The following EBF2 variants were observed in gnomAD, a reference collection of about 807,000 sequenced individuals.
The protein encoded by EBF2 is EBF transcription factor 2, also known as transcription factor COE2.
EBF2 carries 21 observed loss-of-function variants against 72.8 expected under a neutral mutation model. The ratio of observed to expected loss-of-function variants is 0.29; its 90% CI spans 0.20 to 0.42. The LOEUF (loss-of-function observed/expected upper bound fraction) is 0.42, where lower values mean the gene tolerates loss of function less well. Ranked by LOEUF, EBF2 falls within the 10% of genes least tolerant of loss-of-function variation. The pLI, the probability that EBF2 is intolerant of heterozygous loss-of-function variation, is 1.00. For synonymous variants in EBF2, 299 were observed against 274.2 expected, an observed-to-expected ratio of 1.09 and a Z score of -0.89; for missense variants, 637 against 731.2, an observed-to-expected ratio of 0.87 and a Z score of 1.49.
At chr8:25,855,497 T>C (rs1802070463) in intron 14 of EBF2, among the ~76,000 whole-genome samples, 1 of 152,204 alleles carries the variant, frequency 6.6e-6, no homozygotes. Flanking sequence ...CAAGTCAAAC[T>C]TGACTAAGAA....
At chr8:25,939,648 C>A (rs1355966721) in intron 6 of EBF2, among the ~76,000 whole-genome samples, 1 of 152,210 alleles carries the variant, frequency 6.6e-6, no homozygotes, top group Admixed American at 6.5e-5. Context: ...CAACCTCAAA[C>A]CCCTACAGCT....
intron 6 of EBF2, among the ~76,000 whole-genome samples, chr8:26,020,715 A>G (rs1805191089): frequency 6.6e-6 from 1 of 152,044 alleles, no homozygotes. Context: ...CCCTTTTGCT[A>G]TGTAGGTTGA....
chr8:25,964,198 A>G (rs532041826), intron 6 of EBF2, among the ~76,000 whole-genome samples: 42 of 149,456 alleles, frequency 2.8e-4, no homozygotes, highest in Middle Eastern at 3.4e-3. Flanking sequence ...TACTCAAACA[A>G]TCATTGGATA....
At chr8:25,918,201 C>T (rs574252353) in intron 6 of EBF2, among the ~76,000 whole-genome samples, 3 of 152,314 alleles carry the variant, frequency 2.0e-5, no homozygotes, top group African/African-American at 7.2e-5. Context: ...TTTCAGCTTT[C>T]TACCTATCGC....
chr8:25,896,021 T>A (rs1270153409), intron 7 of EBF2, among the ~76,000 whole-genome samples: 1 of 152,144 alleles, frequency 6.6e-6, no homozygotes, highest in African/African-American at 2.4e-5. Context: ...GCCAAAGGAA[T>A]GGCCAGTTGG....
At chr8:26,039,710 A>G (rs1585237764) in intron 5 of EBF2, among the ~76,000 whole-genome samples, 1 of 152,036 alleles carries the variant, frequency 6.6e-6, no homozygotes, top group Non-Finnish European at 1.5e-5. Flanking sequence ...CCGATCCCAA[A>G]CCCGGCCCGG....
intron 6 of EBF2, among the ~76,000 whole-genome samples, chr8:26,003,375 T>G (rs1257525863): frequency 1.3e-5 from 2 of 152,298 alleles, no homozygotes; most frequent in South Asian, 4.1e-4. Context: ...TTCGAAATGT[T>G]TCTTACAGCT....
At chr8:25,969,668 A>T (rs766620425) in intron 6 of EBF2, among the ~76,000 whole-genome samples, 1 of 152,218 alleles carries the variant, frequency 6.6e-6, no homozygotes, top group Non-Finnish European at 1.5e-5. Flanking sequence ...CTTCTCACTC[A>T]TGAGTCTCCT....
At chr8:26,034,213 T>G (rs1485744) in intron 5 of EBF2, among the ~76,000 whole-genome samples, 18,928 of 152,276 alleles carry the variant, frequency 0.12, 1,265 homozygotes, top group Middle Eastern at 0.15. Flanking sequence ...TTTCAGATGA[T>G]GTAGGAAGAC....
chr8:25,996,670 AG>A (rs1333435942), intron 6 of EBF2, among the ~76,000 whole-genome samples: 1 of 152,138 alleles, frequency 6.6e-6, no homozygotes, highest in African/African-American at 2.4e-5. Context: ...ACCCACAGAA[AG>A]CAGAATAATG....
At chr8:25,913,238 C>T (rs958387265) in intron 6 of EBF2, among the ~76,000 whole-genome samples, 2 of 152,028 alleles carry the variant, frequency 1.3e-5, no homozygotes, top group South Asian at 2.1e-4. Context: ...ATCAAGAGAT[C>T]GAGACCATCC....
intron 15 of EBF2, among the ~76,000 whole-genome samples, chr8:25,845,666 C>T (rs1285580511): frequency 6.6e-6 from 1 of 152,206 alleles, no homozygotes; most frequent in Non-Finnish European, 1.5e-5. Context: ...AATAAAGCAG[C>T]ACCAGCACAA....
chr8:25,993,633 C>T (rs567227967), intron 6 of EBF2, among the ~76,000 whole-genome samples: 10 of 152,236 alleles, frequency 6.6e-5, no homozygotes, highest in East Asian at 1.9e-4. Flanking sequence ...ACGCAGCAAC[C>T]GGGGGAAACT....
chr8:26,028,671 C>T (rs935687953), intron 6 of EBF2, among the ~76,000 whole-genome samples: 2 of 152,164 alleles, frequency 1.3e-5, no homozygotes, highest in African/African-American at 4.8e-5. Flanking sequence ...AGAACACAGC[C>T]CATAACAACC....
chr8:25,978,688 C>G (rs977237338), intron 6 of EBF2, among the ~76,000 whole-genome samples: 1 of 152,188 alleles, frequency 6.6e-6, no homozygotes, highest in Admixed American at 6.5e-5. Context: ...CACTCAACCC[C>G]GCCATGGCAT....
At chr8:25,933,792 A>T (rs935923303) in intron 6 of EBF2, among the ~76,000 whole-genome samples, 6 of 152,200 alleles carry the variant, frequency 3.9e-5, no homozygotes, top group Non-Finnish European at 8.8e-5. Flanking sequence ...GTATAAAAAA[A>T]TACGAAACAG....
chr8:25,892,047 C>G (rs892341896), intron 7 of EBF2, among the ~76,000 whole-genome samples: 2 of 152,014 alleles, frequency 1.3e-5, no homozygotes, highest in Admixed American at 6.6e-5. Context: ...TACAGTAGAC[C>G]CCTTATCCAA....
At chr8:25,915,711 T>C (rs1205101318) in intron 6 of EBF2, among the ~76,000 whole-genome samples, 2 of 151,368 alleles carry the variant, frequency 1.3e-5, no homozygotes, top group African/African-American at 4.9e-5. Context: ...AAACGTGGAA[T>C]GAAAGAAGTT....
At chr8:25,866,452 A>C (rs1802318281) in intron 10 of EBF2, among the ~76,000 whole-genome samples, 1 of 143,010 alleles carries the variant, frequency 7.0e-6, no homozygotes, top group Non-Finnish European at 1.5e-5. Flanking sequence ...TAATATATAT[A>C]TATATATAAT....
Sources: gnomAD v4.1 joint callset for allele counts (sites outside exome capture counted in the v4.1 genomes callset) on GRCh38, gnomAD v4.1.1 for gene constraint, MANE v1.5 for transcripts, NCBI Gene and HGNC (gene_info 2026-07-23, HGNC 2026-07-21) for gene names.